Variants in ARNT2 observed in about 807,000 individuals in gnomAD.
ARNT2 encodes aryl hydrocarbon receptor nuclear translocator 2, also known as ARNT protein 2.
ARNT2 carries 36 observed loss-of-function variants against 91.7 expected under a neutral mutation model. That is an observed-to-expected ratio of 0.39 (90% CI 0.30 to 0.52). The LOEUF (loss-of-function observed/expected upper bound fraction) is 0.52. Among genes scored for constraint, ARNT2 ranks in the 20% least tolerant of loss-of-function variants. The pLI, the probability that ARNT2 is intolerant of heterozygous loss-of-function variation, is 0.72. For missense variants in ARNT2, 775 were observed against 939.3 expected (o/e 0.83, Z 2.29); for synonymous variants, 365 against 347.1 (o/e 1.05, Z -0.57).
chr15:80,423,330 T>A (rs550159145), intron 1 of ARNT2, among the ~76,000 whole-genome samples: 13 of 152,210 alleles, frequency 8.5e-5, no homozygotes, highest in Non-Finnish European at 1.3e-4. Context: ...GCTCAATGGA[T>A]CTGTGCAGTG....
intron 8 of ARNT2, among the ~76,000 whole-genome samples, chr15:80,549,208 A>G (rs997792792): frequency 6.6e-6 from 1 of 152,136 alleles, no homozygotes; most frequent in African/African-American, 2.4e-5. Flanking sequence ...ATATCCCAAA[A>G]CTCCCAAAAG....
intron 8 of ARNT2, among the ~76,000 whole-genome samples, chr15:80,542,075 C>G (rs1285006308): frequency 6.6e-6 from 1 of 152,230 alleles, no homozygotes; most frequent in African/African-American, 2.4e-5. Context: ...GAACATCACA[C>G]TTAGGCACAT....
chr15:80,483,430 C>T (rs958694784), intron 5 of ARNT2, among the ~76,000 whole-genome samples: 1 of 152,184 alleles, frequency 6.6e-6, no homozygotes, highest in African/African-American at 2.4e-5. Flanking sequence ...AGCTCTCAGG[C>T]GACCAGGCCT....
In ARNT2 at chr15:80,435,317, G is replaced by T. The variant is rs1055170824; in HGVS notation, c.32-15563G>T. 3.3e-5 allele frequency among the ~76,000 whole-genome samples: 5 copies of T among 152,198 alleles called. No homozygotes were observed. In the East Asian group the frequency reaches 9.7e-4, roughly 29 times the overall value. Reference sequence around the variant, plus strand: ...CAGAGTACCCTTCCCTTTAAGTTTTGGTTCTCACTTTTGAAGAACCCTGAG... The same window carrying T: ...CAGAGTACCCTTCCCTTTAAGTTTTTGTTCTCACTTTTGAAGAACCCTGAG... On this transcript the variant is annotated intron_variant, in intron 1 of 18. Coordinates refer to ENST00000303329, the MANE Select transcript of ARNT2 (RefSeq NM_014862.4).
chr15:80,524,514 A>G (rs1251827399), intron 8 of ARNT2, among the ~76,000 whole-genome samples: 1 of 152,228 alleles, frequency 6.6e-6, no homozygotes, highest in African/African-American at 2.4e-5. Flanking sequence ...GGTTAAAAAT[A>G]GCATGGGACA....
intron 8 of ARNT2, among the ~76,000 whole-genome samples, chr15:80,517,238 T>A (rs1285670830): frequency 6.6e-6 from 1 of 152,166 alleles, no homozygotes; most frequent in Non-Finnish European, 1.5e-5. Context: ...GGTTGGCAGC[T>A]ACTTTGTTTC....
chr15:80,447,523 C>T (rs1896324028), intron 1 of ARNT2, among the ~76,000 whole-genome samples: 1 of 152,170 alleles, frequency 6.6e-6, no homozygotes, highest in Admixed American at 6.5e-5. Flanking sequence ...CTATTGATAC[C>T]AGGCCTTGTC....
At chr15:80,454,992 A>G (rs1211917189) in intron 2 of ARNT2, among the ~76,000 whole-genome samples, 3 of 152,194 alleles carry the variant, frequency 2.0e-5, no homozygotes, top group Non-Finnish European at 4.4e-5. Flanking sequence ...TAAAAGTCAT[A>G]TTTTGATTTC....
intron 8 of ARNT2, among the ~76,000 whole-genome samples, chr15:80,532,347 C>G (rs1416925153): frequency 6.6e-6 from 1 of 152,100 alleles, no homozygotes; most frequent in Non-Finnish European, 1.5e-5. Context: ...TTGGTGTCAG[C>G]CATGATGACC....
intron 8 of ARNT2, among the ~76,000 whole-genome samples, chr15:80,526,934 A>G (rs1897648815): frequency 6.6e-6 from 1 of 151,988 alleles, no homozygotes; most frequent in East Asian, 1.9e-4. Context: ...GAGGCCACCA[A>G]CTCACAAGGC....
At chr15:80,480,216 G>C (rs1388796645) in intron 5 of ARNT2, among the ~76,000 whole-genome samples, 1 of 152,156 alleles carries the variant, frequency 6.6e-6, no homozygotes, top group Non-Finnish European at 1.5e-5. Flanking sequence ...CTCTCTGCAG[G>C]GAAGGAGAGG....
chr15:80,448,233 AC>A (rs760607636), intron 1 of ARNT2, among the ~76,000 whole-genome samples: 7 of 152,198 alleles, frequency 4.6e-5, no homozygotes, highest in Non-Finnish European at 1.0e-4. Flanking sequence ...GTGATTTGAA[AC>A]CAGATATATC....
At chr15:80,583,556 G>A (rs1898838534) in intron 17 of ARNT2, among the ~76,000 whole-genome samples, 1 of 152,242 alleles carries the variant, frequency 6.6e-6, no homozygotes, top group Non-Finnish European at 1.5e-5. Flanking sequence ...GATAATAATA[G>A]TAATGATAGC....
chr15:80,579,602 G>A (rs1484844690), intron 15 of ARNT2, among the ~76,000 whole-genome samples: 1 of 152,156 alleles, frequency 6.6e-6, no homozygotes, highest in Non-Finnish European at 1.5e-5. Context: ...GCACTGCCCT[G>A]CATGCTGAGC....
intron 3 of ARNT2, among the ~76,000 whole-genome samples, chr15:80,465,025 G>A (rs562056144): frequency 2.8e-4 from 43 of 152,272 alleles, no homozygotes; most frequent in Middle Eastern, 3.4e-3. Context: ...TACCCTAACT[G>A]GTCAAATCTC....
At chr15:80,514,439 TG>T (rs1897398057) in intron 8 of ARNT2, 34 bp downstream of exon 8, 8 of 1,589,118 alleles carry the variant, frequency 5.0e-6, no homozygotes, top group Non-Finnish European at 6.0e-6. Context: ...CCACGGGAAC[TG>T]GGTGCTGCTC....
At chr15:80,486,381 G>T (rs1211355707) in intron 5 of ARNT2, among the ~76,000 whole-genome samples, 1 of 152,194 alleles carries the variant, frequency 6.6e-6, no homozygotes, top group African/African-American at 2.4e-5. Flanking sequence ...ATGGAGGGAA[G>T]TGGTTAACTT....
At chr15:80,581,119 C>CA in intron 16 of ARNT2, 120 bp from the exon 17 acceptor site, 1 of 1,217,686 alleles carries the variant, frequency 8.2e-7, no homozygotes, top group Non-Finnish European at 1.2e-6. Flanking sequence ...ACAAGAGGGT[C>CA]ATGGGGAGTC....
At chr15:80,436,340 C>A (rs187883566) in intron 1 of ARNT2, 1 of 154,388 alleles carries the variant, frequency 6.5e-6, no homozygotes, top group Non-Finnish European at 1.5e-5. Flanking sequence ...TGATTCCATA[C>A]GACAAATGAA....
Sources: gnomAD v4.1 joint callset for allele counts (sites outside exome capture counted in the v4.1 genomes callset) on GRCh38, gnomAD v4.1.1 for gene constraint, MANE v1.5 for transcripts, NCBI Gene and HGNC (gene_info 2026-07-23, HGNC 2026-07-21) for gene names.